UBA5: variants seen among roughly 807,000 people sequenced by gnomAD.
The protein encoded by UBA5 is ubiquitin-like modifier-activating enzyme 5.
In UBA5, 28 loss-of-function variants were observed where a neutral mutation model predicts 52.9. The ratio of observed to expected loss-of-function variants is 0.53; its 90% CI spans 0.39 to 0.73. UBA5 has a LOEUF of 0.73. Ranked by LOEUF, UBA5 falls within the 30% of genes least tolerant of loss-of-function variation. The pLI, the probability that UBA5 is intolerant of heterozygous loss-of-function variation, is 0.00. For missense variants in UBA5, 388 were observed against 492.7 expected (o/e 0.79, Z 2.01); for synonymous variants, 135 against 162.1 (o/e 0.83, Z 1.27).
In UBA5 at chr3:132,675,351, A is replaced by G. The variant is rs1278665031; in HGVS notation, c.916A>G (p.Arg306Gly). 4 of 1,613,714 alleles carry G rather than the reference A, an allele frequency of 2.5e-6. No individual in the cohort carries two copies. In the South Asian group the frequency reaches 3.3e-5, roughly 13 times the overall value. The change falls in exon 9 of 12, where the codon AGA (arginine) becomes GGA (glycine). Residue 306 changes from arginine (R) to glycine (G), a missense_variant. By Grantham distance (125) the Arg-to-Gly change is moderately radical. Transcript: ENST00000356232. ...GAAGCCAAATCCTCAGTGTGATGACAGAAATTGCAGGAAGCAGCAGGAGGA... is the reference window on the plus strand; with the variant it reads ...GAAGCCAAATCCTCAGTGTGATGACGGAAATTGCAGGAAGCAGCAGGAGGA... ...SMKPNPQCDD[R>G]NCRKQQEEYK...
rs1466627306 is a variant in UBA5 at position 132,676,870 on chromosome 3, G to A, written c.*344G>A. ...TTCTTTCCAGTAATCCCTTGTGTCT[G>A]TTGCATGAGGACATGGACAATAAAG... is the stretch of plus-strand genomic sequence containing the variant. On this transcript the variant is annotated 3_prime_UTR_variant, in exon 12 of 12. Coordinates refer to ENST00000356232, the MANE Select transcript of UBA5 (RefSeq NM_024818.6). This position sits in a 1 kb window ranked among gnomAD's most constrained non-coding sequence, Gnocchi z 4.1. 1.5e-5 allele frequency: 7 copies of A among 460,488 alleles called. No homozygotes were observed. The highest frequency in any genetic ancestry group is 3.2e-4 in the Middle Eastern group (1 of 3,094). The allele number at this position is 460,488 out of a possible 1,614,324, so 28.5% of individuals were successfully genotyped here.
rs569196603 is a variant in UBA5 at position 132,670,145 on chromosome 3, C to T, written c.408-53C>T. On this transcript the variant is annotated intron_variant, in intron 4 of 11. Transcript: ENST00000356232. Reference sequence around the variant, plus strand: ...ACTCAAGTAATCCTCCCACCACAGCCTCTTGAAATGCTAGGATTACAGGCT... The same window carrying T: ...ACTCAAGTAATCCTCCCACCACAGCTTCTTGAAATGCTAGGATTACAGGCT... 4.3e-5 allele frequency: 39 copies of T among 901,570 alleles called. No individual in the cohort carries two copies. In the African/African-American group the frequency reaches 6.6e-4, roughly 15 times the overall value. The allele number at this position is 901,570 out of a possible 1,614,324, so 55.8% of individuals were successfully genotyped here.
At position 132,655,071 on chromosome 3, in the gene UBA5, A is replaced by G. The variant is rs141783656; in HGVS notation, c.-8+401A>G. On this transcript the variant is annotated intron_variant, in intron 1 of 11. Coordinates refer to the UBA5 transcript ENST00000264991. ...CATAGAAAAGGTACAGTAAAAACACAGTATTATAATCTAATGGGACCACTG... is the reference window on the plus strand; with the variant it reads ...CATAGAAAAGGTACAGTAAAAACACGGTATTATAATCTAATGGGACCACTG... Among the ~76,000 whole-genome samples the G allele has an allele frequency of 1.3e-4, 20 of 152,340 alleles. No individual in the cohort carries two copies. In the East Asian group the frequency reaches 3.9e-3, roughly 29 times the overall value.
chr3:132,656,801 A>AT (rs1266501447), upstream of UBA5, among the ~76,000 whole-genome samples: 2 of 151,196 alleles, frequency 1.3e-5, no homozygotes, highest in Non-Finnish European at 2.9e-5. Context: ...CTATTGTCAG[A>AT]TTTTTTAAAA....
In UBA5 at chr3:132,676,766, A is replaced by G. The variant is rs1213061142; in HGVS notation, c.*240A>G. 7 of 555,772 alleles carry G rather than the reference A, an allele frequency of 1.3e-5. No homozygotes were observed. Among genetic ancestry groups the G allele is most frequent in the Admixed American group, 6.6e-5 (3 of 45,602 alleles). 34.4% of individuals were successfully genotyped at this position (555,772 alleles called of 1,614,324 possible). On this transcript the variant is annotated 3_prime_UTR_variant, in exon 12 of 12. Coordinates refer to ENST00000356232, the MANE Select transcript of UBA5 (RefSeq NM_024818.6). This position sits in a 1 kb window ranked among gnomAD's most constrained non-coding sequence, Gnocchi z 4.1. ...CCTCAAAGGATATTGTAGGATATAA[A>G]TCTTACTTGAAAACATAGCTGTTGA...
Position 132,667,113 on chromosome 3 carries a change from G to T in UBA5, c.297+1040G>T, listed in dbSNP as rs775703307. 6 of 152,138 alleles carry T rather than the reference G, an allele frequency of 3.9e-5. 1 individual carries two copies. The highest frequency in any genetic ancestry group is 3.3e-4 in the Admixed American group (5 of 15,264). 9.4% of individuals were successfully genotyped at this position (152,138 alleles called of 1,614,324 possible). ...AGGATTACACCAGTAAGAACCACTG[G>T]ATCCTTGCTCTACTCCAAGTCTAGT... On this transcript the variant is annotated intron_variant, in intron 3 of 11. Transcript: ENST00000356232.
chr3:132,676,255 G>C lies in UBA5; in HGVS notation c.1132-188G>C, dbSNP rs1468765234. Among the ~76,000 whole-genome samples the C allele has an allele frequency of 6.6e-6, 1 of 152,022 alleles. No homozygotes were observed. Among genetic ancestry groups the C allele is most frequent in the Non-Finnish European group, 1.5e-5 (1 of 67,924 alleles). On this transcript the variant is annotated intron_variant, in intron 11 of 11. Coordinates refer to ENST00000356232, the MANE Select transcript of UBA5 (RefSeq NM_024818.6). This position sits in a 1 kb window ranked among gnomAD's most constrained non-coding sequence, Gnocchi z 4.1. ...TCAAGAATATTGAAATTACTGCCTT[G>C]TAAATCAAAAGACTGGTGAGGAATG... is the stretch of plus-strand genomic sequence containing the variant.
Position 132,672,189 on chromosome 3 carries a change from C to T in UBA5, c.812+12C>T, listed in dbSNP as rs761372183. ...CAAAACGTGTTAAAGTAAGTCAGGGCTAATTTTTCTGAATAGTCTTGTATG... is the reference window on the plus strand; with the variant it reads ...CAAAACGTGTTAAAGTAAGTCAGGGTTAATTTTTCTGAATAGTCTTGTATG... On this transcript the variant is annotated intron_variant, in intron 8 of 11. Coordinates refer to ENST00000356232, the MANE Select transcript of UBA5 (RefSeq NM_024818.6). 12 of 1,611,138 alleles carry T rather than the reference C, an allele frequency of 7.4e-6. 1 individual carries two copies. The South Asian group carries it at 1.0e-4, about 13-fold the overall frequency.
At position 132,660,637 on chromosome 3, in the gene UBA5, G is replaced by A. The variant is rs201875906; in HGVS notation, c.100G>A (p.Gly34Arg). The A allele has an allele frequency of 6.4e-7, 1 of 1,569,776 alleles. No homozygotes were observed. Among genetic ancestry groups the A allele is most frequent in the Non-Finnish European group, 8.6e-7 (1 of 1,157,946 alleles). Residue 34 changes from glycine (G) to arginine (R), a missense_variant, in exon 1 of 12, where the codon GGG becomes AGG. Gly to Arg is a moderately radical substitution (Grantham distance 125). This residue lies in a region of UBA5 where 95 missense variants were observed against 107.0 expected (regional missense o/e 0.89). Transcript: ENST00000356232. The surrounding 1 kb of genome is among the most constrained non-coding windows in gnomAD (Gnocchi z 4.1). The part of the protein sequence containing the change: ...SLQVPRSGDG[G>R]GGRVRIEKMS... ...GCAGGTCCCGAGGAGCGGCGACGGAGGGGGCGGCCGGGTCCGCATCGAGAA... is the reference window on the plus strand; with the variant it reads ...GCAGGTCCCGAGGAGCGGCGACGGAAGGGGCGGCCGGGTCCGCATCGAGAA...
At position 132,660,981 on chromosome 3, in the gene UBA5, G is replaced by T. The variant is rs1268603431; in HGVS notation, c.161+283G>T. On this transcript the variant is annotated intron_variant, in intron 1 of 11. Coordinates refer to ENST00000356232, the MANE Select transcript of UBA5 (RefSeq NM_024818.6). The surrounding 1 kb of genome is among the most constrained non-coding windows in gnomAD (Gnocchi z 4.1). ...ATCACCCTTGCCTCTTAATTAGTCC[G>T]CCTCGCTGTGTATAAGACTGATAGT... 2.0e-6 allele frequency: 3 copies of T among 1,471,464 alleles called. No individual in the cohort carries two copies. Among genetic ancestry groups the T allele is most frequent in the Non-Finnish European group, 2.7e-6 (3 of 1,106,626 alleles). 91.2% of individuals were successfully genotyped at this position (1,471,464 alleles called of 1,614,324 possible).
In UBA5 at chr3:132,677,223, T is replaced by G. The variant is rs1250274621; in HGVS notation, c.*697T>G. The G allele has an allele frequency of 5.3e-6, 1 of 187,838 alleles. No individual in the cohort carries two copies. Among genetic ancestry groups the G allele is most frequent in the Non-Finnish European group, 1.1e-5 (1 of 88,330 alleles). The allele number at this position is 187,838 out of a possible 1,614,324, so 11.6% of individuals were successfully genotyped here. ...ATTTCAGGAAGTATAAATTATATTC[T>G]GCACCGAACAAGGAACAGAAATTAT... On this transcript the variant is annotated 3_prime_UTR_variant, in exon 12 of 12. Transcript: ENST00000356232.
Position 132,660,647 on chromosome 3 carries a change from G to A in UBA5, c.110G>A (p.Arg37Gln), listed in dbSNP as rs1183094645. 3.8e-6 allele frequency: 6 copies of A among 1,572,390 alleles called. No homozygotes were observed. The highest frequency in any genetic ancestry group is 1.2e-5 in the South Asian group (1 of 85,434). ...VPRSGDGGGG[R>Q]VRIEKMSSEV... ...AGGAGCGGCGACGGAGGGGGCGGCC[G>A]GGTCCGCATCGAGAAGATGAGCTCA... Residue 37 changes from arginine to glutamine, a missense_variant, in exon 1 of 12, where the codon CGG (arginine) becomes CAG (glutamine). Arg to Gln is a conservative substitution (Grantham distance 43, BLOSUM62 1). This residue lies in a region of UBA5 where 95 missense variants were observed against 107.0 expected (regional missense o/e 0.89). Transcript: ENST00000356232. The surrounding 1 kb of genome is among the most constrained non-coding windows in gnomAD (Gnocchi z 4.1).
rs763173306 is a variant in UBA5 at position 132,670,982 on chromosome 3, A to G, written c.512A>G (p.Glu171Gly). ...TTGACTAGTAATGGTGGGTTAGAAG[A>G]AGGAAAACCTGTTGATCTAGTTCTT... is the stretch of plus-strand genomic sequence containing the variant. ...MDRISNGGLE[E>G]GKPVDLVLSC... Residue 171 changes from glutamate (E) to glycine (G), a missense_variant, in exon 6 of 12, where the codon GAA becomes GGA. Physicochemically the swap from Glu to Gly is moderately conservative, Grantham distance 98 (BLOSUM62 -2). This residue lies in a region of UBA5 where 277 missense variants were observed against 326.4 expected (regional missense o/e 0.85). Transcript: ENST00000356232. The G allele has an allele frequency of 5.0e-6, 8 of 1,613,250 alleles. No individual in the cohort carries two copies. In the African/African-American group the frequency reaches 6.7e-5, roughly 13 times the overall value.
intron 3 of UBA5, among the ~76,000 whole-genome samples, chr3:132,666,742 A>C (rs1161211430): frequency 6.6e-6 from 1 of 152,176 alleles, no homozygotes; most frequent in African/African-American, 2.4e-5. Context: ...AATTCTTAAA[A>C]GAAGGTGATT....
chr3:132,675,197 T>C, intron 8 of UBA5, 51 bp from the exon 9 acceptor site: 2 of 1,373,024 alleles, frequency 1.5e-6, no homozygotes, highest in Non-Finnish European at 2.0e-6. Flanking sequence ...GGTGTTCTAG[T>C]ATTTTTCATG....
chr3:132,659,914 G>T (rs1938046922), upstream of UBA5: 1 of 782,602 alleles, frequency 1.3e-6, no homozygotes, highest in Non-Finnish European at 1.9e-6. Context: ...AGCAACGCTT[G>T]CCCGCTGAAT....
intron 1 of UBA5, among the ~76,000 whole-genome samples, chr3:132,661,511 A>T (rs545688305): frequency 6.6e-6 from 1 of 152,324 alleles, no homozygotes; most frequent in East Asian, 1.9e-4. Flanking sequence ...GCAAGCAGTT[A>T]TTGAGCTTTC....
chr3:132,665,464 G>A (rs1176773908), intron 1 of UBA5, among the ~76,000 whole-genome samples: 1 of 152,076 alleles, frequency 6.6e-6, no homozygotes, highest in Admixed American at 6.6e-5. Context: ...CTCTGATGAT[G>A]GAGATCTGAG....
intron 1 of UBA5, among the ~76,000 whole-genome samples, chr3:132,663,982 G>C (rs189737522): frequency 2.4e-3 from 364 of 152,230 alleles, no homozygotes; most frequent in African/African-American, 8.4e-3. Flanking sequence ...AAATCATCCA[G>C]AGAATAGAGC....
Sources: gnomAD v4.1 joint callset for allele counts (sites outside exome capture counted in the v4.1 genomes callset) on GRCh38, gnomAD v4.1.1 for gene constraint, gnomAD v4.1.1 regional missense constraint, Gnocchi (gnomAD v3.1) non-coding constraint, MANE v1.5 for transcripts, NCBI Gene and HGNC (gene_info 2026-07-23, HGNC 2026-07-21) for gene names.